The following PALM2AKAP2 variants were observed in gnomAD, a reference collection of about 807,000 sequenced individuals.
The protein encoded by PALM2AKAP2 is PALM2 and AKAP2 fusion, also known as PALM2-AKAP2 fusion protein.
Under a neutral mutation model 71.5 loss-of-function variants are expected in PALM2AKAP2, and 37 were observed. That is an observed-to-expected ratio of 0.52 (90% CI 0.40 to 0.68). The LOEUF is 0.68. Among genes scored for constraint, PALM2AKAP2 ranks in the 30% least tolerant of loss-of-function variants. The pLI is 0.00. For synonymous variants in PALM2AKAP2, 468 were observed against 478.8 expected (o/e 0.98, Z 0.29); for missense variants, 1,224 against 1,191.8 (o/e 1.03, Z -0.40).
rs148095017 is a variant in PALM2AKAP2, at chr9:109,836,121, G to A, written c.46-31370G>A. On this transcript the variant is annotated intron_variant, in intron 1 of 9. Transcript: ENST00000302798. ...GATCCCCGAGTAGCCTAACTGGGAG[G>A]CATCCCCCAGTAGGGGCAGACTGAC... is the stretch of plus-strand genomic sequence containing the variant. 2.9e-3 allele frequency among the ~76,000 whole-genome samples: 445 copies of A among 152,270 alleles called. 1 individual carries two copies. Among genetic ancestry groups the A allele is most frequent in the African/African-American group, 0.01 (431 of 41,560 alleles).
intron 3 of PALM2AKAP2, among the ~76,000 whole-genome samples, chr9:109,895,549 G>A (rs1830179497): frequency 6.6e-6 from 1 of 152,190 alleles, no homozygotes; most frequent in African/African-American, 2.4e-5. Context: ...CATTCGGTAA[G>A]ATCCACTGTG....
At chr9:110,023,089 TA>T (rs1444447259) in intron 7 of PALM2AKAP2, among the ~76,000 whole-genome samples, 7 of 151,672 alleles carry the variant, frequency 4.6e-5, no homozygotes, top group Non-Finnish European at 8.8e-5. Flanking sequence ...TTTGGGTATA[TA>T]CCCAGTAATG....
At chr9:110,089,673 T>C (rs984584662) in intron 1 of PALM2AKAP2, among the ~76,000 whole-genome samples, 1 of 152,232 alleles carries the variant, frequency 6.6e-6, no homozygotes, top group Non-Finnish European at 1.5e-5. Flanking sequence ...CTTGACTTCA[T>C]TTTGTATCGT....
chr9:109,936,728 T>A (rs1831227071), intron 6 of PALM2AKAP2, among the ~76,000 whole-genome samples: 1 of 152,214 alleles, frequency 6.6e-6, no homozygotes. Flanking sequence ...CAAATCTGGA[T>A]AACTTTCATT....
chr9:109,849,244 T>C (rs1335351464), intron 1 of PALM2AKAP2, among the ~76,000 whole-genome samples: 5 of 151,946 alleles, frequency 3.3e-5, no homozygotes, highest in Non-Finnish European at 5.9e-5. Context: ...AAAGATCAAA[T>C]GCAGGGCCCA....
At chr9:110,097,227 T>A (rs1834869024) in intron 1 of PALM2AKAP2, among the ~76,000 whole-genome samples, 1 of 150,646 alleles carries the variant, frequency 6.6e-6, no homozygotes, top group Admixed American at 6.6e-5. Flanking sequence ...CATTTAACCC[T>A]GAGTGGACAC....
chr9:109,676,954 A>G (rs1330915312), intron 1 of PALM2AKAP2, among the ~76,000 whole-genome samples: 2 of 152,190 alleles, frequency 1.3e-5, no homozygotes, highest in African/African-American at 4.8e-5. Context: ...TCTTTGGCAA[A>G]AACATTTCAG....
At chr9:109,644,776 A>G (rs1827125027) in intron 1 of PALM2AKAP2, among the ~76,000 whole-genome samples, 1 of 152,192 alleles carries the variant, frequency 6.6e-6, no homozygotes, top group Admixed American at 6.5e-5. Context: ...AGGGCAAGGG[A>G]AAAATGCTGC....
At chr9:110,142,627 G>A (rs1204370827) in intron 2 of PALM2AKAP2, among the ~76,000 whole-genome samples, 1 of 152,158 alleles carries the variant, frequency 6.6e-6, no homozygotes, top group Non-Finnish European at 1.5e-5. Context: ...TCCTTCCTTA[G>A]GAAATTACTG....
chr9:109,848,886 C>T (rs1212628333), intron 1 of PALM2AKAP2, among the ~76,000 whole-genome samples: 1 of 117,148 alleles, frequency 8.5e-6, no homozygotes, highest in South Asian at 2.7e-4. Flanking sequence ...GCCACTGTCT[C>T]AAAAAAAAAA....
Position 110,097,125 on chromosome 9 carries a change from G to T in PALM2AKAP2, c.157-39002G>T, listed in dbSNP as rs1203794394. 2.7e-5 allele frequency among the ~76,000 whole-genome samples: 4 copies of T among 150,124 alleles called. 1 individual carries two copies. The highest frequency in any genetic ancestry group is 4.2e-4 in the South Asian group (2 of 4,726). On this transcript the variant is annotated intron_variant, in intron 1 of 3. Coordinates refer to ENST00000374525, the Ensembl canonical transcript of PALM2AKAP2. ...CCTTCCGCAGTGTTTGTGTCCCTGG[G>T]TACTTGAGATTAGGGAGTGGTGATG...
chr9:109,665,148 G>T (rs1171340528), intron 1 of PALM2AKAP2, among the ~76,000 whole-genome samples: 1 of 152,156 alleles, frequency 6.6e-6, no homozygotes, highest in African/African-American at 2.4e-5. Flanking sequence ...TTAGCTCTGA[G>T]AAGTTTGTTA....
chr9:109,986,355 G>C (rs1832379298), intron 6 of PALM2AKAP2, among the ~76,000 whole-genome samples: 1 of 152,138 alleles, frequency 6.6e-6, no homozygotes, highest in South Asian at 2.1e-4. Context: ...TCAATACTAT[G>C]AGTAACAAAA....
intron 6 of PALM2AKAP2, among the ~76,000 whole-genome samples, chr9:109,995,935 G>T (rs1659164346): frequency 6.6e-6 from 1 of 152,196 alleles, no homozygotes; most frequent in Non-Finnish European, 1.5e-5. Context: ...AGATACTGCA[G>T]GTCCCAGCTT....
At chr9:109,919,244 C>A (rs1444066122) in intron 3 of PALM2AKAP2, among the ~76,000 whole-genome samples, 3 of 152,182 alleles carry the variant, frequency 2.0e-5, no homozygotes, top group Non-Finnish European at 4.4e-5. Context: ...CCCATTTCCC[C>A]TTCACTAGAC....
intron 1 of PALM2AKAP2, among the ~76,000 whole-genome samples, chr9:109,702,011 C>T (rs907948642): frequency 6.6e-6 from 1 of 152,208 alleles, no homozygotes; most frequent in South Asian, 2.1e-4. Flanking sequence ...CACTGGCCAT[C>T]AGAGAAATGC....
At chr9:110,043,646 G>A (rs534722002) in intron 7 of PALM2AKAP2, among the ~76,000 whole-genome samples, 20 of 146,086 alleles carry the variant, frequency 1.4e-4, no homozygotes, top group South Asian at 4.4e-4. Flanking sequence ...ATTATGAAGA[G>A]TTTGAGTATC....
At chr9:110,135,991 A>C in intron 1 of PALM2AKAP2, 136 bp from the exon 8 acceptor site, 1 of 1,140,616 alleles carries the variant, frequency 8.8e-7, no homozygotes. Flanking sequence ...AGGGATTATT[A>C]GAAAATATCT....
At chr9:109,693,585 A>G (rs7032832) in intron 1 of PALM2AKAP2, among the ~76,000 whole-genome samples, 56,352 of 151,796 alleles carry the variant, frequency 0.37, 11,195 homozygotes, top group African/African-American at 0.51. Flanking sequence ...GATATTCTAC[A>G]CTATAAATTC....
Sources: allele counts gnomAD v4.1 joint callset (sites outside exome capture counted in the v4.1 genomes callset), GRCh38; gene constraint gnomAD v4.1.1; transcripts MANE v1.5; gene names NCBI Gene and HGNC (gene_info 2026-07-23, HGNC 2026-07-21).